The following ABCA3 variants were observed in gnomAD, a reference collection of about 807,000 sequenced individuals.
The protein encoded by ABCA3 is phospholipid-transporting ATPase ABCA3.
A neutral mutation model predicts 172.8 loss-of-function variants in ABCA3; 88 were observed. That is an observed-to-expected ratio of 0.51 (90% CI 0.43 to 0.61). The LOEUF (loss-of-function observed/expected upper bound fraction) is 0.61. Ranked by LOEUF, ABCA3 falls within the 20% of genes least tolerant of loss-of-function variation. The pLI, the probability that ABCA3 is intolerant of heterozygous loss-of-function variation, is 0.00. For synonymous variants in ABCA3, 1,066 were observed against 983.8 expected, an observed-to-expected ratio of 1.08 and a Z score of -1.56; for missense variants, 2,164 against 2,301.0, an observed-to-expected ratio of 0.94 and a Z score of 1.22.
intron 5 of ABCA3, among the ~76,000 whole-genome samples, chr16:2,325,102 A>G (rs1251881866): frequency 6.7e-6 from 1 of 149,948 alleles, no homozygotes; most frequent in African/African-American, 2.5e-5. Flanking sequence ...TCCCGACAGC[A>G]AGGGTTTAGG....
At chr16:2,336,597 ATTTT>A (rs11284766) in intron 1 of ABCA3, among the ~76,000 whole-genome samples, 3 of 101,324 alleles carry the variant, frequency 3.0e-5, no homozygotes, top group African/African-American at 1.3e-4. Flanking sequence ...CGCCCAGCTA[ATTTT>A]TTTTTTTTTT....
intron 19 of ABCA3, among the ~76,000 whole-genome samples, 153 bp downstream of exon 19, chr16:2,291,987 C>T (rs945055226): frequency 6.6e-6 from 1 of 151,998 alleles, no homozygotes; most frequent in Non-Finnish European, 1.5e-5. Flanking sequence ...GCAGGAGAAT[C>T]TCTTGAACCC....
At position 2,284,664 on chromosome 16, in the gene ABCA3, C is replaced by T. The variant is rs2093660001; in HGVS notation, c.3703+115G>A. On this transcript the variant is annotated intron_variant, in intron 24 of 32. Coordinates refer to ENST00000301732, the MANE Select transcript of ABCA3 (RefSeq NM_001089.3). This position sits in a 1 kb window ranked among gnomAD's most constrained non-coding sequence, Gnocchi z 5.9. ...CAGCTGGGGCAGAGGGGCTGGTGAG[C>T]ATGAACTGGGCCCATTGCCTGAGTC... 8.7e-6 allele frequency: 11 copies of T among 1,269,896 alleles called. No individual in the cohort carries two copies. The highest frequency in any genetic ancestry group is 2.5e-4 in the Middle Eastern group (1 of 4,000). The allele number at this position is 1,269,896 out of a possible 1,614,324, so 78.7% of individuals were successfully genotyped here.
chr16:2,294,602 A>C lies in ABCA3; in HGVS notation c.2414+988T>G, dbSNP rs117191411. Reference sequence around the variant, plus strand: ...ATTCGGGAGGCTGAGGTGGGAGATCACGAGCCCAGGAATTCAAGGCTGCAG... The same window carrying C: ...ATTCGGGAGGCTGAGGTGGGAGATCCCGAGCCCAGGAATTCAAGGCTGCAG... On this transcript the variant is annotated intron_variant, in intron 18 of 32. Transcript: ENST00000301732. 2.4e-4 allele frequency among the ~76,000 whole-genome samples: 36 copies of C among 152,244 alleles called. No homozygotes were observed. In the East Asian group the frequency reaches 6.8e-3, roughly 29 times the overall value.
chr16:2,327,526 G>A (rs936004111), intron 3 of ABCA3, among the ~76,000 whole-genome samples: 4 of 152,192 alleles, frequency 2.6e-5, no homozygotes, highest in Admixed American at 2.6e-4. Context: ...AGCTGTGCAG[G>A]GAAGGGGAAA....
At chr16:2,313,632 T>G (rs1419687675) in intron 10 of ABCA3, among the ~76,000 whole-genome samples, 3 of 141,630 alleles carry the variant, frequency 2.1e-5, no homozygotes, top group East Asian at 4.2e-4. Context: ...AGGCCAGGCG[T>G]GGTGGCTCAT....
At chr16:2,280,037 C>T (rs976434316) in intron 28 of ABCA3, among the ~76,000 whole-genome samples, 4 of 152,218 alleles carry the variant, frequency 2.6e-5, no homozygotes, top group Admixed American at 2.0e-4. Flanking sequence ...GCGTGAGCCA[C>T]GCTCCCAGCC....
chr16:2,300,228 A>G lies in ABCA3; in HGVS notation c.1468-80T>C, dbSNP rs1385280896. On this transcript the variant is annotated intron_variant, in intron 12 of 32. Transcript: ENST00000301732. ...CAACCAGCAGACACACTAGATGCAC[A>G]CAGCCATGCAGCCTCTGTCCCAGGA... The G allele has an allele frequency of 3.2e-6, 5 of 1,586,286 alleles. No homozygotes were observed. The African/African-American group carries it at 6.8e-5, about 21-fold the overall frequency.
chr16:2,319,738 G>T lies in ABCA3; in HGVS notation c.716C>A (p.Thr239Lys). 1 of 1,613,942 alleles carries T rather than the reference G, an allele frequency of 6.2e-7. No homozygotes were observed. The highest frequency in any genetic ancestry group is 8.5e-7 in the Non-Finnish European group (1 of 1,180,016). The change falls in exon 8 of 33, where the codon ACG (threonine) becomes AAG (lysine). Residue 239 changes from threonine to lysine, a missense_variant. This residue lies in a region of ABCA3 where 1,343 missense variants were observed against 1,369.6 expected (regional missense o/e 0.98). Coordinates refer to ENST00000301732, the MANE Select transcript of ABCA3 (RefSeq NM_001089.3). ...AATRQLFQRL[T>K]VTIKRFPYPP... ...GTACGGGAACCTCTTGATGGTCACCGTCAGTCTCTGGAACAGCTGGCGTGT... is the reference window on the plus strand; with the variant it reads ...GTACGGGAACCTCTTGATGGTCACCTTCAGTCTCTGGAACAGCTGGCGTGT...
intron 18 of ABCA3, among the ~76,000 whole-genome samples, chr16:2,294,104 C>T (rs9925959): frequency 6.6e-6 from 1 of 151,036 alleles, no homozygotes; most frequent in Admixed American, 6.6e-5. Flanking sequence ...ACTGCAACCT[C>T]TGCTCCTGGG....
At position 2,283,262 on chromosome 16, in the gene ABCA3, A is replaced by G. The variant is rs1394826759; in HGVS notation, c.3959T>C (p.Leu1320Pro). Residue 1320 changes from leucine to proline, a missense_variant, in exon 26 of 33, where the codon CTG (leucine) becomes CCG (proline). By Grantham distance (98) the Leu-to-Pro change is moderately conservative. Around this residue, in one of 3 missense-constraint regions of ABCA3, gnomAD observed 795 missense variants for 881.9 expected, o/e 0.90. Coordinates refer to ENST00000301732, the MANE Select transcript of ABCA3 (RefSeq NM_001089.3). The surrounding 1 kb of genome is among the most constrained non-coding windows in gnomAD (Gnocchi z 5.4). ...CAGGTTGGTCTCGATGAGGAAGAGC[A>G]GGATGAGGTAGGCGCACCCTGAGGC... is the stretch of plus-strand genomic sequence containing the variant. ...MAASGCAYLI[L>P]LFLIETNLLQ... The G allele has an allele frequency of 3.1e-6, 5 of 1,613,444 alleles. No homozygotes were observed. The highest frequency in any genetic ancestry group is 4.2e-6 in the Non-Finnish European group (5 of 1,179,976).
At chr16:2,320,574 T>G (rs1173425616) in intron 7 of ABCA3, among the ~76,000 whole-genome samples, 1 of 151,660 alleles carries the variant, frequency 6.6e-6, no homozygotes, top group Admixed American at 6.6e-5. Flanking sequence ...TTTTTTTGTA[T>G]TTTTAGTAGA....
rs1388893129 is a variant in ABCA3, at chr16:2,281,271, C to T, written c.4165-50G>A. Reference sequence around the variant, plus strand: ...GGAATGCGGAGGCCTGGACGCAAAGCAGAGCAGTCTGAGCCTCAGCGCCGA... The same window carrying T: ...GGAATGCGGAGGCCTGGACGCAAAGTAGAGCAGTCTGAGCCTCAGCGCCGA... On this transcript the variant is annotated intron_variant, in intron 27 of 32. Transcript: ENST00000301732. This position sits in a 1 kb window ranked among gnomAD's most constrained non-coding sequence, Gnocchi z 4.7. 8.7e-6 allele frequency: 14 copies of T among 1,613,094 alleles called. No individual in the cohort carries two copies. The Admixed American group carries it at 2.2e-4, about 25-fold the overall frequency.
intron 11 of ABCA3, among the ~76,000 whole-genome samples, chr16:2,305,486 G>A (rs986218352): frequency 2.6e-5 from 4 of 152,004 alleles, no homozygotes; most frequent in East Asian, 1.9e-4. Flanking sequence ...TAGTAGAGAC[G>A]GAGTTTCACC....
At position 2,277,719 on chromosome 16, in the gene ABCA3, G is replaced by A. The variant is rs767214202; in HGVS notation, c.4910-49C>T. On this transcript the variant is annotated intron_variant, in intron 31 of 32. Transcript: ENST00000301732. The surrounding 1 kb of genome is among the most constrained non-coding windows in gnomAD (Gnocchi z 5.3). The stretch of plus-strand genomic sequence containing the variant: ...GCTGTGAGCGCCGGGCTGGAGGATC[G>A]GGGAGGGTGCCTGGGTGCTCAGCAC... The A allele has an allele frequency of 1.6e-5, 25 of 1,609,092 alleles. No individual in the cohort carries two copies. The highest frequency in any genetic ancestry group is 1.1e-4 in the South Asian group (10 of 90,660).
At chr16:2,289,965 A>ACACACG (rs1555487806) in intron 19 of ABCA3, among the ~76,000 whole-genome samples, 82 of 88,528 alleles carry the variant, frequency 9.3e-4, no homozygotes, top group African/African-American at 2.4e-3. Context: ...ATTACATCAC[A>ACACACG]CACACACACA....
chr16:2,291,594 G>A (rs547063784), intron 19 of ABCA3, among the ~76,000 whole-genome samples: 121 of 152,322 alleles, frequency 7.9e-4, no homozygotes, highest in African/African-American at 2.8e-3. Context: ...GTCTAGGAGG[G>A]ACCCCAAGGC....
At position 2,285,063 on chromosome 16, in the gene ABCA3, G is replaced by A. The variant is rs2093660773; in HGVS notation, c.3484-65C>T. The A allele has an allele frequency of 3.9e-6, 6 of 1,544,122 alleles. No individual in the cohort carries two copies. The highest frequency in any genetic ancestry group is 8.8e-7 in the Non-Finnish European group (1 of 1,137,164). The stretch of plus-strand genomic sequence containing the variant: ...TGAGAGGAGCTCACGGGTAGGGAAG[G>A]GGTGAGAGGAGCATTTGGAGGTCCT... On this transcript the variant is annotated intron_variant, in intron 23 of 32. Coordinates refer to ENST00000301732, the MANE Select transcript of ABCA3 (RefSeq NM_001089.3). The surrounding 1 kb of genome is among the most constrained non-coding windows in gnomAD (Gnocchi z 4.7).
chr16:2,330,375 C>G (rs1288683879), intron 1 of ABCA3, among the ~76,000 whole-genome samples: 2 of 148,124 alleles, frequency 1.4e-5, no homozygotes, highest in African/African-American at 5.0e-5. Flanking sequence ...GCTGGAGTGC[C>G]GTGGTGCCAT....
Sources: gnomAD v4.1 joint callset for allele counts (sites outside exome capture counted in the v4.1 genomes callset) on GRCh38, gnomAD v4.1.1 for gene constraint, gnomAD v4.1.1 regional missense constraint, Gnocchi (gnomAD v3.1) non-coding constraint, MANE v1.5 for transcripts, NCBI Gene and HGNC (gene_info 2026-07-23, HGNC 2026-07-21) for gene names.